JAM3: variants seen among roughly 807,000 people sequenced by gnomAD.
The protein encoded by JAM3 is junctional adhesion molecule 3.
JAM3 carries 31 observed loss-of-function variants against 39.4 expected under a neutral mutation model. That is an observed-to-expected ratio of 0.79 (90% confidence interval 0.59 to 1.06). JAM3 has a LOEUF of 1.06. Ranked by LOEUF, JAM3 falls within the 50% of genes least tolerant of loss-of-function variation. The pLI is 0.00. For missense variants in JAM3, 455 were observed against 391.4 expected, an observed-to-expected ratio of 1.16 and a Z score of -1.37; for synonymous variants, 182 against 148.7, an observed-to-expected ratio of 1.22 and a Z score of -1.63.
chr11:134,114,280 C>T (rs1591790842), intron 1 of JAM3, among the ~76,000 whole-genome samples: 1 of 152,030 alleles, frequency 6.6e-6, no homozygotes, highest in East Asian at 1.9e-4. Flanking sequence ...ATGCCTATGT[C>T]CTGAATGGTT....
chr11:134,086,215 T>C (rs751492775), intron 1 of JAM3, among the ~76,000 whole-genome samples: 1 of 152,234 alleles, frequency 6.6e-6, no homozygotes, highest in Non-Finnish European at 1.5e-5. Flanking sequence ...TGCTTTGCTT[T>C]ATTCCTTCTG....
chr11:134,148,965 C>CACAT (rs2120391136), intron 8 of JAM3, 147 bp downstream of exon 8: 1 of 767,076 alleles, frequency 1.3e-6, no homozygotes, highest in South Asian at 1.7e-5. Flanking sequence ...AACACACACA[C>CACAT]ACACACACAC....
intron 1 of JAM3, among the ~76,000 whole-genome samples, chr11:134,097,878 A>G (rs1014937352): frequency 6.6e-6 from 1 of 151,604 alleles, no homozygotes; most frequent in African/African-American, 2.4e-5. Flanking sequence ...ATATATTTAT[A>G]TACACACACT....
intron 1 of JAM3, among the ~76,000 whole-genome samples, chr11:134,134,991 AT>A (rs927139638): frequency 6.6e-6 from 1 of 151,438 alleles, no homozygotes; most frequent in Middle Eastern, 3.2e-3. Context: ...TGATGTTTAA[AT>A]TTTTTTTGAT....
chr11:134,070,151 GT>G (rs1437890280), intron 1 of JAM3: 7 of 456,076 alleles, frequency 1.5e-5, no homozygotes, highest in Non-Finnish European at 3.1e-5. Flanking sequence ...TGTGAGATAG[GT>G]TTCATTAATC....
intron 1 of JAM3, among the ~76,000 whole-genome samples, chr11:134,105,475 C>A (rs914707464): frequency 2.0e-5 from 3 of 152,134 alleles, no homozygotes; most frequent in African/African-American, 7.2e-5. Context: ...CACTCCTATT[C>A]AACATAGTGT....
Position 134,151,867 on chromosome 11 carries a change from A to C in JAM3, c.*2686A>C, listed in dbSNP as rs1943248202. 1 of 152,182 alleles carries C rather than the reference A, an allele frequency of 6.6e-6. No homozygotes were observed. The highest frequency in any genetic ancestry group is 2.4e-5 in the African/African-American group (1 of 41,436). The allele number at this position is 152,182 out of a possible 1,614,324, so 9.4% of individuals were successfully genotyped here. A position where few individuals can be genotyped will look rare whatever the true frequency, so the allele number is the denominator to read the frequency against. Reference sequence around the variant, plus strand: ...GCTATCAATCACCCATCCACCAGGGAAGTCAGTGCTGGGCAGGAGGTCAGC... The same window carrying C: ...GCTATCAATCACCCATCCACCAGGGCAGTCAGTGCTGGGCAGGAGGTCAGC... On this transcript the variant is annotated 3_prime_UTR_variant, in exon 9 of 9. Coordinates refer to ENST00000299106, the MANE Select transcript of JAM3 (RefSeq NM_032801.5).
chr11:134,144,693 C>T lies in JAM3; in HGVS notation c.410-99C>T. ...GAACAGCAGTGGCGTGGGAACCCCT[C>T]GACTGGCTGTCTTGTCTTTGGAGCT... On this transcript the variant is annotated intron_variant, in intron 4 of 8. Transcript: ENST00000299106. The T allele has an allele frequency of 9.7e-6, 11 of 1,130,746 alleles. No individual in the cohort carries two copies. In the South Asian group the frequency reaches 1.0e-4, roughly 10 times the overall value. 70.0% of individuals were successfully genotyped at this position (1,130,746 alleles called of 1,614,324 possible).
intron 1 of JAM3, among the ~76,000 whole-genome samples, chr11:134,129,460 C>A (rs1942721995): frequency 6.6e-6 from 1 of 151,988 alleles, no homozygotes; most frequent in Admixed American, 6.6e-5. Flanking sequence ...TGGATTAAGT[C>A]CACACCCTTA....
intron 1 of JAM3, among the ~76,000 whole-genome samples, chr11:134,114,906 C>T (rs907129853): frequency 6.6e-6 from 1 of 152,190 alleles, no homozygotes; most frequent in Non-Finnish European, 1.5e-5. Context: ...TACTGATTTT[C>T]TGTCCACTTG....
At chr11:134,109,079 C>T (rs568271180) in intron 1 of JAM3, among the ~76,000 whole-genome samples, 1 of 152,122 alleles carries the variant, frequency 6.6e-6, no homozygotes, top group Non-Finnish European at 1.5e-5. Context: ...GCCTTAGCCT[C>T]CCGTGTAGCT....
At chr11:134,095,169 C>G (rs1339545731) in intron 1 of JAM3, among the ~76,000 whole-genome samples, 2 of 152,110 alleles carry the variant, frequency 1.3e-5, no homozygotes, top group African/African-American at 4.8e-5. Context: ...AGAAAGTAAA[C>G]CAGCATTGTT....
intron 3 of JAM3, among the ~76,000 whole-genome samples, chr11:134,143,817 G>C (rs937312155): frequency 1.5e-4 from 23 of 152,172 alleles, no homozygotes; most frequent in African/African-American, 4.6e-4. Context: ...TCCTATGTTA[G>C]GTCTTTGTTG....
chr11:134,103,779 G>T (rs1448847593), intron 1 of JAM3, among the ~76,000 whole-genome samples: 1 of 152,170 alleles, frequency 6.6e-6, no homozygotes, highest in Non-Finnish European at 1.5e-5. Context: ...TTACATAATG[G>T]TAAAGGGATC....
At chr11:134,133,126 C>G (rs572886041) in intron 1 of JAM3, among the ~76,000 whole-genome samples, 74 of 152,294 alleles carry the variant, frequency 4.9e-4, no homozygotes, top group African/African-American at 1.7e-3. Flanking sequence ...ACCAGAAGTT[C>G]TGCATGTTGG....
At chr11:134,128,312 C>G (rs957507558) in intron 1 of JAM3, among the ~76,000 whole-genome samples, 3 of 152,202 alleles carry the variant, frequency 2.0e-5, no homozygotes, top group African/African-American at 7.2e-5. Flanking sequence ...CATCAGAACT[C>G]ACCTCTCTCT....
chr11:134,076,014 CTTA>C (rs760991815), intron 1 of JAM3, among the ~76,000 whole-genome samples: 7 of 146,892 alleles, frequency 4.8e-5, no homozygotes, highest in East Asian at 2.0e-4. Context: ...CTGTATCTAA[CTTA>C]TTATTGATAA....
At chr11:134,115,111 G>A (rs746882693) in intron 1 of JAM3, among the ~76,000 whole-genome samples, 1 of 152,082 alleles carries the variant, frequency 6.6e-6, no homozygotes, top group Non-Finnish European at 1.5e-5. Context: ...GTTATGAAAT[G>A]ACTTCCTTTA....
chr11:134,102,363 T>C (rs577277947), intron 1 of JAM3, among the ~76,000 whole-genome samples: 2 of 152,208 alleles, frequency 1.3e-5, no homozygotes, highest in Admixed American at 1.3e-4. Context: ...ACCCCATCTG[T>C]ATGTCACCAT....
Sources: allele counts gnomAD v4.1 joint callset (sites outside exome capture counted in the v4.1 genomes callset), GRCh38; gene constraint gnomAD v4.1.1; transcripts MANE v1.5; gene names NCBI Gene and HGNC (gene_info 2026-07-23, HGNC 2026-07-21).